The following TMBIM4 variants were observed in gnomAD, a reference collection of about 807,000 sequenced individuals.
TMBIM4 encodes transmembrane BAX inhibitor motif containing 4.
A neutral mutation model predicts 27.7 loss-of-function variants in TMBIM4; 28 were observed. The ratio of observed to expected loss-of-function variants is 1.01; its 90% CI spans 0.75 to 1.38. The LOEUF (loss-of-function observed/expected upper bound fraction) is 1.38, where lower values mean the gene tolerates loss of function less well. Among genes scored for constraint, TMBIM4 ranks in the 40% most tolerant of loss-of-function variants. The pLI is 0.00. For missense variants in TMBIM4, 265 were observed against 277.5 expected (o/e 0.95, Z 0.32); for synonymous variants, 115 against 113.1 (o/e 1.02, Z -0.11).
intron 1 of TMBIM4, among the ~76,000 whole-genome samples, chr12:66,162,266 A>G (rs1160495144): frequency 1.3e-5 from 2 of 152,200 alleles, no homozygotes; most frequent in Non-Finnish European, 2.9e-5. Context: ...GTCTGGAAAT[A>G]TTACCTACAA....
chr12:66,138,769 C>T lies in TMBIM4; in HGVS notation c.465G>A (p.Gly155=). The change falls in exon 6 of 7, where the codon GGG becomes GGA. Residue 155 remains glycine, a splice_region_variant and synonymous_variant. Transcript: ENST00000358230. ...SKKDFSKFGA[G]LFALLWILCL... Reference sequence around the variant, plus strand: ...ACAATATCCACAAAAGAGCAAACAGCCTATAAAAATACAATTTTAGTAATT... The same window carrying T: ...ACAATATCCACAAAAGAGCAAACAGTCTATAAAAATACAATTTTAGTAATT... The T allele has an allele frequency of 6.5e-7, 1 of 1,541,164 alleles. No homozygotes were observed.
chr12:66,150,051 G>C (rs2051819595), intron 3 of TMBIM4, among the ~76,000 whole-genome samples: 1 of 152,116 alleles, frequency 6.6e-6, no homozygotes, highest in Non-Finnish European at 1.5e-5. Flanking sequence ...TGGGCATGAT[G>C]AATAGATTTA....
chr12:66,148,819 T>A (rs531064254), intron 3 of TMBIM4, among the ~76,000 whole-genome samples: 1 of 152,318 alleles, frequency 6.6e-6, no homozygotes, highest in South Asian at 2.1e-4. Context: ...AATAAAAGAC[T>A]TGGGGATACT....
chr12:66,138,091 AGAT>A lies in TMBIM4; in HGVS notation c.583_585del (p.Ile195del). ...TTATGCATCAGTGAGTGTGTGTCAT[AGAT>A]GATGAATCCACAGAAAAGAAGGGCT... On this transcript the variant is annotated inframe_deletion, in exon 7 of 7. Coordinates refer to ENST00000358230, the MANE Select transcript of TMBIM4 (RefSeq NM_016056.4). 6.2e-7 allele frequency: 1 copy of A among 1,614,126 alleles called. No individual in the cohort carries two copies. The highest frequency in any genetic ancestry group is 1.1e-5 in the South Asian group (1 of 91,080).
chr12:66,155,607 C>A (rs2051923306), intron 1 of TMBIM4, among the ~76,000 whole-genome samples: 1 of 152,142 alleles, frequency 6.6e-6, no homozygotes, highest in Admixed American at 6.5e-5. Flanking sequence ...GTTGGGATTA[C>A]AGGCAGGAGC....
chr12:66,158,034 C>T (rs143588569), intron 1 of TMBIM4, among the ~76,000 whole-genome samples: 5 of 148,212 alleles, frequency 3.4e-5, no homozygotes, highest in African/African-American at 7.5e-5. Flanking sequence ...AGACCATCCT[C>T]GCTAACACGG....
intron 1 of TMBIM4, among the ~76,000 whole-genome samples, chr12:66,166,464 C>CAAAAAAAAAAAAAAAAAAAAA (rs59822799): frequency 8.9e-5 from 9 of 100,696 alleles, no homozygotes; most frequent in African/African-American, 3.0e-4. Flanking sequence ...TACTTTGTCT[C>CAAAAAAAAAAAAAAAAAAAAA]AAAAAAAAAA....
At chr12:66,163,997 C>T (rs1401152203) in intron 1 of TMBIM4, among the ~76,000 whole-genome samples, 1 of 152,178 alleles carries the variant, frequency 6.6e-6, no homozygotes. Context: ...ACCAGTATTC[C>T]TGGACTGTGA....
intron 1 of TMBIM4, among the ~76,000 whole-genome samples, chr12:66,159,431 GTGACTGCAGTCCTGCAGTCATCTT>G (rs1469162708): frequency 6.6e-6 from 1 of 152,126 alleles, no homozygotes; most frequent in Non-Finnish European, 1.5e-5. Context: ...AAGCCTTCAT[GTGACTGCAGTCCTGCAGTCATCTT>G]GACTGGAGCC....
At chr12:66,159,530 C>T (rs2052000284) in intron 1 of TMBIM4, among the ~76,000 whole-genome samples, 1 of 152,068 alleles carries the variant, frequency 6.6e-6, no homozygotes, top group South Asian at 2.1e-4. Context: ...TGGGTAAGAC[C>T]CTCCCAAATT....
In TMBIM4 at chr12:66,137,783, AT is replaced by A; in HGVS notation, c.*176del. The stretch of plus-strand genomic sequence containing the variant: ...ATGAGGTATCATAAAGAATAGTAAG[AT>A]TTTAAAGCTCTCAAAATTACATATG... On this transcript the variant is annotated 3_prime_UTR_variant, in exon 7 of 7. Coordinates refer to ENST00000358230, the MANE Select transcript of TMBIM4 (RefSeq NM_016056.4). The A allele has an allele frequency of 3.4e-6, 2 of 582,054 alleles. No homozygotes were observed. The highest frequency in any genetic ancestry group is 6.0e-6 in the Non-Finnish European group (2 of 333,446). 36.1% of individuals were successfully genotyped at this position (582,054 alleles called of 1,614,324 possible).
chr12:66,161,714 A>G (rs532503760), intron 1 of TMBIM4, among the ~76,000 whole-genome samples: 8 of 152,362 alleles, frequency 5.3e-5, no homozygotes, highest in South Asian at 4.1e-4. Context: ...AATACTGAGT[A>G]TCTGCTATTG....
At chr12:66,163,130 C>T (rs1192214988) in intron 1 of TMBIM4, among the ~76,000 whole-genome samples, 1 of 152,214 alleles carries the variant, frequency 6.6e-6, no homozygotes, top group Non-Finnish European at 1.5e-5. Flanking sequence ...CACCTCTACT[C>T]ATTTAACTTG....
chr12:66,168,942 T>TA (rs929409161), intron 1 of TMBIM4: 87 of 202,562 alleles, frequency 4.3e-4, no homozygotes, highest in Middle Eastern at 1.9e-3. Context: ...TAATTTTTTT[T>TA]AAAAAAAAGC....
intron 5 of TMBIM4, chr12:66,139,590 C>T: frequency 4.4e-6 from 2 of 455,868 alleles, no homozygotes; most frequent in Non-Finnish European, 8.8e-6. Flanking sequence ...TTGCGGTCTC[C>T]TTGAGTTGAG....
chr12:66,148,350 A>T (rs1266629541), intron 3 of TMBIM4, among the ~76,000 whole-genome samples: 4 of 152,214 alleles, frequency 2.6e-5, no homozygotes, highest in African/African-American at 9.7e-5. Flanking sequence ...GAGTCTTGAA[A>T]GTGTTTCCCA....
intron 4 of TMBIM4, among the ~76,000 whole-genome samples, chr12:66,146,796 T>G (rs376302198): frequency 6.6e-6 from 1 of 152,188 alleles, no homozygotes; most frequent in East Asian, 1.9e-4. Flanking sequence ...GGAATTTCTC[T>G]GTTTATGCCA....
At chr12:66,169,111 C>T (rs2052186388) in intron 1 of TMBIM4, 6 of 569,464 alleles carry the variant, frequency 1.1e-5, no homozygotes, top group Non-Finnish European at 1.9e-5. Flanking sequence ...TTCATCTTTC[C>T]TTTTCCAGAA....
At chr12:66,169,653 T>C in intron 1 of TMBIM4, 1 of 466,882 alleles carries the variant, frequency 2.1e-6, no homozygotes, top group Non-Finnish European at 3.8e-6. Flanking sequence ...CCACACCCGC[T>C]AGGAGGGGAG....
Sources: gnomAD v4.1 joint callset for allele counts (sites outside exome capture counted in the v4.1 genomes callset) on GRCh38, gnomAD v4.1.1 for gene constraint, MANE v1.5 for transcripts, NCBI Gene and HGNC (gene_info 2026-07-23, HGNC 2026-07-21) for gene names.